The following GSTM3 variants were observed in gnomAD, a reference collection of about 807,000 sequenced individuals.
GSTM3 encodes glutathione S-transferase mu 3.
In GSTM3, 34 loss-of-function variants were observed where a neutral mutation model predicts 36.1. That is an observed-to-expected ratio of 0.94 (90% CI 0.72 to 1.25). The LOEUF is 1.25. Among genes scored for constraint, GSTM3 ranks in the 50% most tolerant of loss-of-function variants. The pLI is 0.00. For synonymous variants in GSTM3, 102 were observed against 99.5 expected, an observed-to-expected ratio of 1.03 and a Z score of -0.15; for missense variants, 266 against 281.6, an observed-to-expected ratio of 0.94 and a Z score of 0.40.
At position 109,736,974 on chromosome 1, in the gene GSTM3, G is replaced by C; in HGVS notation, c.*97C>G. On this transcript the variant is annotated 3_prime_UTR_variant, in exon 9 of 9. Coordinates refer to ENST00000361066, the MANE Select transcript of GSTM3 (RefSeq NM_000849.5). ...CCAAGAGAAACTCAGCTGGACACCA[G>C]TAACATAAGTGCTATTCATTGAAAA... The C allele has an allele frequency of 1.4e-6, 1 of 714,900 alleles. No homozygotes were observed. The highest frequency in any genetic ancestry group is 1.7e-5 in the South Asian group (1 of 59,818). The allele number at this position is 714,900 out of a possible 1,614,324, so 44.3% of individuals were successfully genotyped here.
rs1326744836 is a variant in GSTM3 at position 109,736,885 on chromosome 1, G to A, written c.*186C>T. On this transcript the variant is annotated 3_prime_UTR_variant, in exon 9 of 9. Coordinates refer to ENST00000361066, the MANE Select transcript of GSTM3 (RefSeq NM_000849.5). ...TGGGGAGTAGGGAAATGCCAGTATC[G>A]CAGCGATTCAATTCATATCTTGATG... 1.8e-6 allele frequency: 1 copy of A among 556,728 alleles called. No individual in the cohort carries two copies. The highest frequency in any genetic ancestry group is 3.1e-5 in the East Asian group (1 of 32,578). 34.5% of individuals were successfully genotyped at this position (556,728 alleles called of 1,614,324 possible).
intron 8 of GSTM3, 131 bp from the exon 9 acceptor site, chr1:109,737,300 T>G (rs1649230446): frequency 6.2e-6 from 5 of 807,886 alleles, no homozygotes; most frequent in Non-Finnish European, 1.1e-5. Context: ...CTCCAAGGTA[T>G]AGAAGTTAGG....
At position 109,735,126 on chromosome 1, in the gene GSTM3, A is replaced by G. The variant is rs561837772; in HGVS notation, c.*1945T>C. ...CTTTATCCCACTTGCCTGCAGTAAG[A>G]CTGTTATGAGTTTGGTGTTTCCCTC... is the stretch of plus-strand genomic sequence containing the variant. On this transcript the variant is annotated 3_prime_UTR_variant, in exon 9 of 9. Coordinates refer to ENST00000361066, the MANE Select transcript of GSTM3 (RefSeq NM_000849.5). 2 of 152,280 alleles carry G rather than the reference A, an allele frequency of 1.3e-5. No individual in the cohort carries two copies. Among genetic ancestry groups the G allele is most frequent in the South Asian group, 4.1e-4 (2 of 4,824 alleles). The allele number at this position is 152,280 out of a possible 1,614,324, so 9.4% of individuals were successfully genotyped here.
chr1:109,737,929 C>T (rs891427211), intron 6 of GSTM3, among the ~76,000 whole-genome samples, 162 bp downstream of exon 6: 1 of 152,188 alleles, frequency 6.6e-6, no homozygotes, highest in African/African-American at 2.4e-5. Context: ...ACCAGAATTA[C>T]ATGACAAAAC....
intron 8 of GSTM3, 98 bp downstream of exon 8, chr1:109,737,359 T>C: frequency 2.2e-6 from 2 of 893,560 alleles, no homozygotes; most frequent in Non-Finnish European, 3.8e-6. Flanking sequence ...TTGATCCCAT[T>C]AGGCAAAAGC....
Position 109,734,655 on chromosome 1 carries a change from G to A in GSTM3, c.*2416C>T, listed in dbSNP as rs905274216. ...ATAGTTATCAGACTGAAAAACTTCT[G>A]AGCTTTATACCTCTTCTGGCCAAAG... On this transcript the variant is annotated 3_prime_UTR_variant, in exon 9 of 9. Transcript: ENST00000361066. The A allele has an allele frequency of 6.6e-5, 10 of 152,232 alleles. No individual in the cohort carries two copies. The highest frequency in any genetic ancestry group is 1.0e-4 in the Non-Finnish European group (7 of 68,062). 9.4% of individuals were successfully genotyped at this position (152,232 alleles called of 1,614,324 possible).
At chr1:109,738,725 C>T (rs957561235) in intron 4 of GSTM3, among the ~76,000 whole-genome samples, 6 of 152,298 alleles carry the variant, frequency 3.9e-5, no homozygotes, top group African/African-American at 1.4e-4. Context: ...GATGTAATGA[C>T]TAACATAATC....
Position 109,735,534 on chromosome 1 carries a change from A to G in GSTM3, c.*1537T>C, listed in dbSNP as rs1175344797. ...TTCAGTCTCATTCTTCCGTTGCCAC[A>G]TGGTACTCCATAGTATTGACAGGTA... On this transcript the variant is annotated 3_prime_UTR_variant, in exon 9 of 9. Transcript: ENST00000361066. 6.6e-6 allele frequency: 1 copy of G among 151,274 alleles called. No individual in the cohort carries two copies. Among genetic ancestry groups the G allele is most frequent in the Non-Finnish European group, 1.5e-5 (1 of 68,002 alleles). The allele number at this position is 151,274 out of a possible 1,614,324, so 9.4% of individuals were successfully genotyped here.
chr1:109,739,982 C>T (rs1256365125), intron 2 of GSTM3, 74 bp from the exon 3 acceptor site: 7 of 1,236,880 alleles, frequency 5.7e-6, no homozygotes, highest in East Asian at 2.5e-5. Context: ...CGTTCCCCGG[C>T]CCGGGGCTGC....
intron 3 of GSTM3, 55 bp downstream of exon 3, chr1:109,739,778 G>C: frequency 7.4e-7 from 1 of 1,342,778 alleles, no homozygotes; most frequent in Non-Finnish European, 1.0e-6. Context: ...GGCGTAAGAA[G>C]ACCAGGGCAG....
At chr1:109,738,555 GGTGT>G (rs1295430539) in intron 4 of GSTM3, among the ~76,000 whole-genome samples, 189 bp from the exon 5 acceptor site, 1 of 152,116 alleles carries the variant, frequency 6.6e-6, no homozygotes, top group Non-Finnish European at 1.5e-5. Context: ...TTCTTAAATT[GGTGT>G]GTGTATGTGT....
rs1470964014 is a variant in GSTM3 at position 109,734,607 on chromosome 1, C to T, written c.*2464G>A. ...ACACAAGGGTAGAGCATACCGCTCC[C>T]TCACACTATGGAAATTATATCAATA... On this transcript the variant is annotated 3_prime_UTR_variant, in exon 9 of 9. Transcript: ENST00000361066. 6.6e-6 allele frequency: 1 copy of T among 152,224 alleles called. No individual in the cohort carries two copies. 9.4% of individuals were successfully genotyped at this position (152,224 alleles called of 1,614,324 possible).
intron 2 of GSTM3, 73 bp downstream of exon 2, chr1:109,740,167 G>C (rs1649328189): frequency 2.9e-6 from 4 of 1,360,848 alleles, no homozygotes; most frequent in Non-Finnish European, 4.2e-6. Context: ...GCTGGAGATC[G>C]CGGACCCAGA....
intron 4 of GSTM3, 115 bp downstream of exon 4, chr1:109,739,314 T>A (rs1195768919): frequency 3.2e-6 from 2 of 618,954 alleles, no homozygotes; most frequent in Non-Finnish European, 5.8e-6. Context: ...CTATTTATTC[T>A]ATCCGGGTTA....
rs1649141814 is a variant in GSTM3, at chr1:109,734,165, C to A, written c.*2906G>T. ...CAAAGGGACTCCATCTTGGTTATTA[C>A]CCATGAGTGCCTAAGCAAAACCCAT... On this transcript the variant is annotated 3_prime_UTR_variant, in exon 9 of 9. Coordinates refer to ENST00000361066, the MANE Select transcript of GSTM3 (RefSeq NM_000849.5). 1 of 152,194 alleles carries A rather than the reference C, an allele frequency of 6.6e-6. No individual in the cohort carries two copies. Among genetic ancestry groups the A allele is most frequent in the Admixed American group, 6.5e-5 (1 of 15,284 alleles). 9.4% of individuals were successfully genotyped at this position (152,194 alleles called of 1,614,324 possible). A position where few individuals can be genotyped will look rare whatever the true frequency, so the allele number is the denominator to read the frequency against.
chr1:109,738,363 G>A lies in GSTM3; in HGVS notation c.193C>T (p.Pro65Ser), dbSNP rs1649271408. 6.2e-7 allele frequency: 1 copy of A among 1,611,214 alleles called. No individual in the cohort carries two copies. ...TTGTTCTTCCCATCCAGGAGGTAGG[G>A]CAGCTGAAAGGAAAAGGACAGGACA... is the stretch of plus-strand genomic sequence containing the variant. ...FKLDLDFPNL[P>S]YLLDGKNKIT... The change falls in exon 5 of 9, where the codon CCC (proline) becomes TCC (serine). Residue 65 changes from proline (P) to serine (S), a missense_variant. Transcript: ENST00000361066.
chr1:109,738,244 A>G (rs368012517), intron 5 of GSTM3, 41 bp downstream of exon 5: 205 of 1,601,380 alleles, frequency 1.3e-4, no homozygotes, highest in Non-Finnish European at 1.7e-4. Context: ...TCTCAGACAA[A>G]CTACCAGCCT....
Position 109,735,693 on chromosome 1 carries a change from A to G in GSTM3, c.*1378T>C, listed in dbSNP as rs532184287. On this transcript the variant is annotated 3_prime_UTR_variant, in exon 9 of 9. Coordinates refer to ENST00000361066, the MANE Select transcript of GSTM3 (RefSeq NM_000849.5). The stretch of plus-strand genomic sequence containing the variant: ...GAGTCTCGCCCTGTAGCCAGGCTGG[A>G]GTGCAGTGGCGTGATCTCGGCTCAC... 4 of 117,842 alleles carry G rather than the reference A, an allele frequency of 3.4e-5. No individual in the cohort carries two copies. In the East Asian group the frequency reaches 1.2e-3, roughly 34 times the overall value. 7.3% of individuals were successfully genotyped at this position (117,842 alleles called of 1,614,324 possible).
rs1214300720 is a variant in GSTM3, at chr1:109,736,817, A to ACT, written c.*252_*253dup. The stretch of plus-strand genomic sequence containing the variant: ...TGCAATCTCGTTTTTTCTAGTACCC[A>ACT]CTCTCAGGGCTTGGGCATGAACCTA... On this transcript the variant is annotated 3_prime_UTR_variant, in exon 9 of 9. Coordinates refer to ENST00000361066, the MANE Select transcript of GSTM3 (RefSeq NM_000849.5). 4.6e-6 allele frequency: 2 copies of ACT among 437,206 alleles called. No homozygotes were observed. The highest frequency in any genetic ancestry group is 8.3e-6 in the Non-Finnish European group (2 of 241,972). The allele number at this position is 437,206 out of a possible 1,614,324, so 27.1% of individuals were successfully genotyped here.
Sources: gnomAD v4.1 joint callset for allele counts (sites outside exome capture counted in the v4.1 genomes callset) on GRCh38, gnomAD v4.1.1 for gene constraint, MANE v1.5 for transcripts, NCBI Gene and HGNC (gene_info 2026-07-23, HGNC 2026-07-21) for gene names.